Variants in TBCE observed in about 807,000 individuals in gnomAD.
The protein encoded by TBCE is tubulin-specific chaperone E.
TBCE carries 53 observed loss-of-function variants against 77.0 expected under a neutral mutation model. The ratio of observed to expected loss-of-function variants is 0.69; its 90% confidence interval spans 0.55 to 0.87. The LOEUF is 0.87. Among genes scored for constraint, TBCE ranks in the 40% least tolerant of loss-of-function variants. The pLI is 0.00. For synonymous variants in TBCE, 235 were observed against 241.3 expected (o/e 0.97, Z 0.24); for missense variants, 624 against 622.4 (o/e 1.00, Z -0.03).
intron 2 of TBCE, among the ~76,000 whole-genome samples, chr1:235,382,071 T>A (rs1029064253): frequency 8.6e-5 from 13 of 150,296 alleles, no homozygotes; most frequent in Non-Finnish European, 1.8e-4. Flanking sequence ...AGTGTTTGGT[T>A]TTTTGTCCTT....
At chr1:235,387,971 C>T (rs1469218940) in intron 2 of TBCE, among the ~76,000 whole-genome samples, 1 of 152,186 alleles carries the variant, frequency 6.6e-6, no homozygotes, top group Non-Finnish European at 1.5e-5. Flanking sequence ...GAACAAGATA[C>T]ATGTGGACTC....
chr1:235,404,959 AC>A (rs1293287101), intron 3 of TBCE, among the ~76,000 whole-genome samples: 1 of 134,722 alleles, frequency 7.4e-6, no homozygotes, highest in African/African-American at 2.9e-5. Context: ...CATGCCCGGT[AC>A]TTTTTTTTTT....
chr1:235,441,487 G>A (rs1156601306), intron 13 of TBCE: 3 of 304,806 alleles, frequency 9.8e-6, no homozygotes, highest in Non-Finnish European at 1.9e-5. Flanking sequence ...TGCTAGTTTT[G>A]AGTCAGGACA....
chr1:235,422,702 G>A (rs552124475), intron 5 of TBCE, among the ~76,000 whole-genome samples: 1 of 151,902 alleles, frequency 6.6e-6, no homozygotes, highest in African/African-American at 2.4e-5. Flanking sequence ...GGTGGTGGGC[G>A]CCTGTAGTCC....
chr1:235,414,483 C>G lies in TBCE; in HGVS notation c.236C>G (p.Thr79Arg). ...CGTCCGAACAAGGTAAATTTTGGAA[C>G]AGACTTTCTTACTGCAATTAAGAAC... ...FIRPNKVNFG[T>R]DFLTAIKNRY... is the part of the protein sequence containing the mutation. The change falls in exon 4 of 17, where the codon ACA becomes AGA. Residue 79 changes from threonine to arginine, a missense_variant. Physicochemically the swap from Thr to Arg is moderately conservative, Grantham distance 71. Coordinates refer to ENST00000642610, the MANE Select transcript of TBCE (RefSeq NM_003193.5). The G allele has an allele frequency of 6.2e-7, 1 of 1,613,832 alleles. No individual in the cohort carries two copies. The highest frequency in any genetic ancestry group is 8.5e-7 in the Non-Finnish European group (1 of 1,179,986).
At chr1:235,407,259 A>AT (rs1679496572) in intron 3 of TBCE, among the ~76,000 whole-genome samples, 1 of 141,150 alleles carries the variant, frequency 7.1e-6, no homozygotes, top group Non-Finnish European at 1.5e-5. Flanking sequence ...TCATTTTTTG[A>AT]TTTTTTTGTA....
At chr1:235,378,779 T>C (rs1194386612) in intron 1 of TBCE, among the ~76,000 whole-genome samples, 30 of 152,146 alleles carry the variant, frequency 2.0e-4, no homozygotes, top group Admixed American at 2.0e-3. Flanking sequence ...GAGAATTGCT[T>C]GAACCCAGCA....
intron 15 of TBCE, among the ~76,000 whole-genome samples, chr1:235,447,505 G>GT: frequency 6.6e-6 from 1 of 152,262 alleles, no homozygotes; most frequent in Admixed American, 6.5e-5. Context: ...ACTTGTGTAT[G>GT]TTTAATACAG....
intron 1 of TBCE, among the ~76,000 whole-genome samples, chr1:235,369,903 T>C (rs929739796): frequency 2.0e-5 from 3 of 152,094 alleles, no homozygotes; most frequent in Non-Finnish European, 4.4e-5. Flanking sequence ...CTAGCCCTGC[T>C]TCACTGCTGA....
chr1:235,401,836 T>TA (rs1337905122), intron 3 of TBCE, among the ~76,000 whole-genome samples: 3 of 149,450 alleles, frequency 2.0e-5, no homozygotes, highest in African/African-American at 7.4e-5. Flanking sequence ...CTTTTTTTTT[T>TA]TTTTTTTTTT....
chr1:235,368,683 G>A (rs1285800335), intron 1 of TBCE, among the ~76,000 whole-genome samples: 2 of 145,948 alleles, frequency 1.4e-5, no homozygotes, highest in African/African-American at 5.1e-5. Flanking sequence ...TCAGCCTCCC[G>A]AGTAGTTGGG....
chr1:235,375,879 T>C (rs1677260723), intron 1 of TBCE, among the ~76,000 whole-genome samples: 2 of 151,736 alleles, frequency 1.3e-5, no homozygotes, highest in African/African-American at 4.8e-5. Flanking sequence ...CCCATCTCTA[T>C]TGAAAAAAAA....
chr1:235,410,723 G>C (rs1411502142), intron 3 of TBCE, among the ~76,000 whole-genome samples: 1 of 152,128 alleles, frequency 6.6e-6, no homozygotes, highest in Non-Finnish European at 1.5e-5. Flanking sequence ...CCTTTTACGA[G>C]AGAACCCTTA....
intron 5 of TBCE, among the ~76,000 whole-genome samples, chr1:235,424,471 C>T (rs545723961): frequency 4.0e-4 from 60 of 150,958 alleles, no homozygotes; most frequent in Non-Finnish European, 6.3e-4. Context: ...ACCACAGATA[C>T]GTGCCACCAC....
chr1:235,399,269 C>G (rs368890272), intron 2 of TBCE, among the ~76,000 whole-genome samples: 1 of 152,136 alleles, frequency 6.6e-6, no homozygotes, highest in Admixed American at 6.6e-5. Context: ...TTATTTTTAC[C>G]TTGTGTTTCT....
intron 2 of TBCE, among the ~76,000 whole-genome samples, chr1:235,387,687 C>T (rs1375063024): frequency 6.6e-6 from 1 of 152,160 alleles, no homozygotes; most frequent in African/African-American, 2.4e-5. Flanking sequence ...ACCCGATTTT[C>T]CAGGTGCCAT....
chr1:235,445,640 T>TAAAAC (rs767339707), intron 15 of TBCE, among the ~76,000 whole-genome samples: 6 of 151,786 alleles, frequency 4.0e-5, no homozygotes, highest in Admixed American at 6.6e-5. Flanking sequence ...TGTCTAAAAT[T>TAAAAC]AAAACAAAAC....
At chr1:235,400,699 CTTTT>C (rs1012601112) in intron 2 of TBCE, among the ~76,000 whole-genome samples, 1 of 133,582 alleles carries the variant, frequency 7.5e-6, no homozygotes, top group Non-Finnish European at 1.6e-5. Context: ...TGTGCCCAGC[CTTTT>C]TTTTTTTTGA....
intron 3 of TBCE, among the ~76,000 whole-genome samples, chr1:235,408,431 G>T (rs1489941821): frequency 3.4e-5 from 5 of 146,946 alleles, no homozygotes; most frequent in African/African-American, 5.2e-5. Flanking sequence ...AGTGTTGGAA[G>T]ATTTTTTTTT....
Sources: allele counts gnomAD v4.1 joint callset (sites outside exome capture counted in the v4.1 genomes callset), GRCh38; gene constraint gnomAD v4.1.1; transcripts MANE v1.5; gene names NCBI Gene and HGNC (gene_info 2026-07-23, HGNC 2026-07-21).